TPO: variants seen among roughly 807,000 people sequenced by gnomAD.
TPO encodes the protein thyroid microsomal antigen.
A neutral mutation model predicts 96.9 loss-of-function variants in TPO; 78 were observed. That is an observed-to-expected ratio of 0.81 (90% CI 0.67 to 0.97). The LOEUF (loss-of-function observed/expected upper bound fraction) is 0.97, where lower values mean the gene tolerates loss of function less well. Ranked by LOEUF, TPO falls within the 50% of genes least tolerant of loss-of-function variation. The pLI, the probability that TPO is intolerant of heterozygous loss-of-function variation, is 0.00. For missense variants in TPO, 1,252 were observed against 1,274.8 expected (o/e 0.98, Z 0.27); for synonymous variants, 547 against 538.0 (o/e 1.02, Z -0.23).
At chr2:1,394,684 G>A (rs934755650) in intron 1 of TPO, among the ~76,000 whole-genome samples, 2 of 152,210 alleles carry the variant, frequency 1.3e-5, no homozygotes, top group South Asian at 2.1e-4. Context: ...CGCATGGACC[G>A]AGCGTCACCC....
intron 14 of TPO, among the ~76,000 whole-genome samples, chr2:1,504,641 A>G (rs529760346): frequency 2.6e-5 from 4 of 152,332 alleles, no homozygotes; most frequent in Admixed American, 2.6e-4. Flanking sequence ...CCTCCAAGCC[A>G]GGTGCCAGCT....
chr2:1,495,555 A>G (rs1161400204), intron 11 of TPO, among the ~76,000 whole-genome samples: 2 of 152,176 alleles, frequency 1.3e-5, no homozygotes, highest in Non-Finnish European at 2.9e-5. Flanking sequence ...ACAGCAATAC[A>G]CCCCAGATAA....
At position 1,452,585 on chromosome 2, in the gene TPO, G is replaced by A. The variant is rs538597263; in HGVS notation, c.483-1109G>A. On this transcript the variant is annotated intron_variant, in intron 5 of 16. Transcript: ENST00000329066. Reference sequence around the variant, plus strand: ...CCTGCTCCTGTGACTATGTCGCTGGGAACAGTTTTGCCATAGGAATGCCAT... The same window carrying A: ...CCTGCTCCTGTGACTATGTCGCTGGAAACAGTTTTGCCATAGGAATGCCAT... Among the ~76,000 whole-genome samples, 3 of 152,264 alleles carry A rather than the reference G, an allele frequency of 2.0e-5. No individual in the cohort carries two copies. The South Asian group carries it at 6.2e-4, about 32-fold the overall frequency.
chr2:1,433,305 C>T, intron 3 of TPO, 133 bp from the exon 4 acceptor site: 1 of 1,148,770 alleles, frequency 8.7e-7, no homozygotes, highest in Non-Finnish European at 1.2e-6. Flanking sequence ...TACCTGTGCA[C>T]ACCCCGCAGT....
chr2:1,428,808 C>T (rs1664689891), intron 3 of TPO, among the ~76,000 whole-genome samples: 1 of 152,118 alleles, frequency 6.6e-6, no homozygotes, highest in Non-Finnish European at 1.5e-5. Context: ...GGGAGGGTTG[C>T]TATCCTGTCT....
intron 8 of TPO, among the ~76,000 whole-genome samples, chr2:1,480,427 C>T (rs62107964): frequency 0.33 from 50,320 of 151,788 alleles, 8,402 homozygotes; most frequent in Admixed American, 0.35. Flanking sequence ...CTGGTTCTAC[C>T]GACTCGTAGT....
At position 1,396,634 on chromosome 2, in the gene TPO, G is replaced by A. The variant is rs888554869; in HGVS notation, n.180+22232G>A. Among the ~76,000 whole-genome samples, 7 of 152,298 alleles carry A rather than the reference G, an allele frequency of 4.6e-5. 1 individual carries two copies. The South Asian group carries it at 6.2e-4, about 14-fold the overall frequency. ...AGCCGCTGTTCTTTCCCTCAGATGC[G>A]TGAGGATGGGCATCGCGTCACGGGG... is the stretch of plus-strand genomic sequence containing the variant. On this transcript the variant is annotated intron_variant and non_coding_transcript_variant, in intron 1 of 5. Transcript: ENST00000497517.
At chr2:1,429,713 A>G (rs1199980300) in intron 3 of TPO, among the ~76,000 whole-genome samples, 3 of 152,172 alleles carry the variant, frequency 2.0e-5, no homozygotes, top group Admixed American at 6.5e-5. Flanking sequence ...CTCAGCAAAG[A>G]GCTTGGCTGC....
At chr2:1,526,440 C>T (rs1676519520) in intron 15 of TPO, among the ~76,000 whole-genome samples, 1 of 132,806 alleles carries the variant, frequency 7.5e-6, no homozygotes, top group Non-Finnish European at 1.6e-5. Flanking sequence ...TCAAATCCCC[C>T]AACTGTGTGC....
intron 13 of TPO, among the ~76,000 whole-genome samples, chr2:1,497,040 A>G (rs555819840): frequency 5.1e-4 from 78 of 152,280 alleles, no homozygotes; most frequent in African/African-American, 1.9e-3. Context: ...CGTGAGTTCC[A>G]GGCAAAGTTG....
At chr2:1,397,239 C>G (rs1662095670) in intron 1 of TPO, among the ~76,000 whole-genome samples, 1 of 152,196 alleles carries the variant, frequency 6.6e-6, no homozygotes, top group Non-Finnish European at 1.5e-5. Flanking sequence ...TATCTTGTCT[C>G]TGCAAATTCC....
At chr2:1,533,442 A>G (rs1406932718) in intron 15 of TPO, among the ~76,000 whole-genome samples, 1 of 89,936 alleles carries the variant, frequency 1.1e-5, no homozygotes, top group Non-Finnish European at 2.1e-5. Flanking sequence ...ACCTCCCGAA[A>G]TCGCCCCCAC....
intron 3 of TPO, among the ~76,000 whole-genome samples, chr2:1,433,068 G>A (rs752729283): frequency 4.6e-5 from 7 of 152,254 alleles, no homozygotes; most frequent in Admixed American, 6.5e-5. Flanking sequence ...AGGGCTGTGC[G>A]CTTCCCAGTC....
chr2:1,417,027 G>A (rs532934145), intron 2 of TPO, among the ~76,000 whole-genome samples: 25 of 152,322 alleles, frequency 1.6e-4, no homozygotes, highest in South Asian at 6.2e-4. Flanking sequence ...AGATCAAAAC[G>A]TAGAGGTCTG....
intron 8 of TPO, chr2:1,477,889 C>T (rs895937490): frequency 2.4e-4 from 233 of 985,302 alleles, no homozygotes; most frequent in Non-Finnish European, 6.9e-5. Flanking sequence ...GCTTACCCTC[C>T]AGCCGGCTGG....
At position 1,514,680 on chromosome 2, in the gene TPO, C is replaced by A. The variant is rs118091796; in HGVS notation, c.2519-2203C>A. Among the ~76,000 whole-genome samples the A allele has an allele frequency of 4.6e-4, 70 of 152,348 alleles. No individual in the cohort carries two copies. In the East Asian group the frequency reaches 0.013, roughly 28 times the overall value. On this transcript the variant is annotated intron_variant, in intron 14 of 16. Coordinates refer to ENST00000329066, the MANE Select transcript of TPO (RefSeq NM_001206744.2). Reference sequence around the variant, plus strand: ...GTAGGACATGCAGGGGCTTCAGGACCTGTCTCAGCTGGGTATCTCCCAGAA... The same window carrying A: ...GTAGGACATGCAGGGGCTTCAGGACATGTCTCAGCTGGGTATCTCCCAGAA...
At chr2:1,401,778 A>C (rs17091592) in intron 1 of TPO, among the ~76,000 whole-genome samples, 9,178 of 152,232 alleles carry the variant, frequency 0.06, 748 homozygotes, top group African/African-American at 0.18. Flanking sequence ...ACCTCCCAGG[A>C]AACTCTAGCC....
intron 15 of TPO, 151 bp from the exon 16 acceptor site, chr2:1,540,443 C>T (rs913861697): frequency 2.8e-5 from 44 of 1,557,648 alleles, no homozygotes; most frequent in South Asian, 1.0e-4. Context: ...AGATTATGAT[C>T]GACTTGACTG....
rs1442487915 is a variant in TPO, at chr2:1,521,800, C to A, written c.2618+4818C>A. Among the ~76,000 whole-genome samples the A allele has an allele frequency of 2.6e-5, 4 of 152,020 alleles. No individual in the cohort carries two copies. The South Asian group carries it at 8.3e-4, about 32-fold the overall frequency. The stretch of plus-strand genomic sequence containing the variant: ...GGAAGGACCTGCGCTCCTTAGAGAC[C>A]CACGTCTGCCCTGGAAATGAGCAGG... On this transcript the variant is annotated intron_variant, in intron 15 of 16. Coordinates refer to ENST00000329066, the MANE Select transcript of TPO (RefSeq NM_001206744.2).
Sources: allele counts gnomAD v4.1 joint callset (sites outside exome capture counted in the v4.1 genomes callset), GRCh38; gene constraint gnomAD v4.1.1; transcripts MANE v1.5; gene names NCBI Gene and HGNC (gene_info 2026-07-23, HGNC 2026-07-21).